The following TMPRSS15 variants were observed in gnomAD, a reference collection of about 807,000 sequenced individuals.
The protein encoded by TMPRSS15 is enteropeptidase.
In TMPRSS15, 128 loss-of-function variants were observed where a neutral mutation model predicts 125.3. The ratio of observed to expected loss-of-function variants is 1.02; its 90% confidence interval spans 0.89 to 1.18. The LOEUF is 1.18. Ranked by LOEUF, TMPRSS15 falls within the 50% of genes most tolerant of loss-of-function variation. The probability of loss-of-function intolerance (pLI) is 0.00; values close to 1 mark genes in which losing one functional copy is unlikely to be tolerated. For synonymous variants in TMPRSS15, 446 were observed against 423.2 expected (o/e 1.05, Z -0.66); for missense variants, 1,283 against 1,212.7 (o/e 1.06, Z -0.86).
At chr21:18,319,921 A>G (rs900651808) in intron 16 of TMPRSS15, among the ~76,000 whole-genome samples, 1 of 152,194 alleles carries the variant, frequency 6.6e-6, no homozygotes, top group African/African-American at 2.4e-5. Context: ...AATCTAAGTT[A>G]CCTTAACAAG....
intron 5 of TMPRSS15, among the ~76,000 whole-genome samples, chr21:18,374,024 C>T (rs1166238964): frequency 6.6e-6 from 1 of 152,088 alleles, no homozygotes; most frequent in Non-Finnish European, 1.5e-5. Flanking sequence ...TTAAAAAGTG[C>T]TATGGGGGCA....
At chr21:18,344,717 G>A (rs1297161368) in intron 10 of TMPRSS15, among the ~76,000 whole-genome samples, 1 of 152,208 alleles carries the variant, frequency 6.6e-6, no homozygotes, top group Non-Finnish European at 1.5e-5. Flanking sequence ...AATGATTTCA[G>A]TCATTTGAAG....
chr21:18,441,732 C>T (rs544445889), intron 1 of TMPRSS15, among the ~76,000 whole-genome samples: 1 of 148,684 alleles, frequency 6.7e-6, no homozygotes, highest in Non-Finnish European at 1.5e-5. Flanking sequence ...ACTCTGTTGC[C>T]CAGACTGGAG....
At chr21:18,408,009 G>C (rs532620394), upstream of TMPRSS15, among the ~76,000 whole-genome samples, 1 of 152,242 alleles carries the variant, frequency 6.6e-6, no homozygotes, top group East Asian at 1.9e-4. Context: ...AGGATAGTTG[G>C]GTATGGAGTG....
At chr21:18,292,721 C>T (rs2074853496) in intron 21 of TMPRSS15, among the ~76,000 whole-genome samples, 1 of 152,146 alleles carries the variant, frequency 6.6e-6, no homozygotes, top group South Asian at 2.1e-4. Flanking sequence ...GACTTTTTAG[C>T]TAAAACTAGC....
intron 18 of TMPRSS15, among the ~76,000 whole-genome samples, chr21:18,306,424 C>T (rs2075040149): frequency 6.6e-6 from 1 of 152,066 alleles, no homozygotes; most frequent in African/African-American, 2.4e-5. Context: ...ATCTCTTCCC[C>T]CAGTATTTTC....
intron 1 of TMPRSS15, among the ~76,000 whole-genome samples, chr21:18,443,451 G>A (rs1313127511): frequency 6.6e-6 from 1 of 152,206 alleles, no homozygotes; most frequent in African/African-American, 2.4e-5. Context: ...ACAGGGACCT[G>A]TGTAAAACTG....
intron 1 of TMPRSS15, chr21:18,460,699 G>A (rs2122951855): frequency 9.9e-5 from 15 of 152,142 alleles, no homozygotes; most frequent in African/African-American, 3.6e-4. Context: ...ACTCATGTGA[G>A]ATCTATCTAT....
chr21:18,381,587 G>A (rs2075893239), intron 4 of TMPRSS15, among the ~76,000 whole-genome samples: 1 of 152,056 alleles, frequency 6.6e-6, no homozygotes, highest in African/African-American at 2.4e-5. Flanking sequence ...TTGGGCTGAT[G>A]TTGTAAAACA....
intron 1 of TMPRSS15, among the ~76,000 whole-genome samples, chr21:18,410,793 A>G (rs1224203405): frequency 6.6e-6 from 1 of 152,154 alleles, no homozygotes; most frequent in Non-Finnish European, 1.5e-5. Context: ...CTCCACTCAA[A>G]TTTTATTCAA....
At chr21:18,413,309 T>TC (rs1569064037) in intron 1 of TMPRSS15, among the ~76,000 whole-genome samples, 86 of 102,798 alleles carry the variant, frequency 8.4e-4, no homozygotes, top group East Asian at 6.7e-3. Context: ...TTCTTTTCTT[T>TC]CTTTTCCTTC....
At chr21:18,299,222 C>T (rs2074938585) in intron 18 of TMPRSS15, among the ~76,000 whole-genome samples, 2 of 152,142 alleles carry the variant, frequency 1.3e-5, no homozygotes, top group African/African-American at 4.8e-5. Context: ...AATGTATTTG[C>T]TATGGCTTAG....
intron 21 of TMPRSS15, among the ~76,000 whole-genome samples, chr21:18,284,152 A>C (rs532977360): frequency 1.3e-5 from 2 of 152,310 alleles, no homozygotes; most frequent in African/African-American, 4.8e-5. Flanking sequence ...TTCCGCCGCC[A>C]TGTATCATTT....
At chr21:18,288,686 G>A (rs113655371) in intron 21 of TMPRSS15, among the ~76,000 whole-genome samples, 352 of 151,678 alleles carry the variant, frequency 2.3e-3, no homozygotes, top group African/African-American at 8.0e-3. Flanking sequence ...GACTACAGGC[G>A]CATGCTGCCA....
intron 1 of TMPRSS15, among the ~76,000 whole-genome samples, chr21:18,418,189 A>C (rs2076184483): frequency 2.0e-5 from 3 of 152,208 alleles, no homozygotes; most frequent in African/African-American, 7.2e-5. Flanking sequence ...CACCCATTAG[A>C]TACTTTAATG....
At chr21:18,305,917 T>C (rs2075034152) in intron 18 of TMPRSS15, among the ~76,000 whole-genome samples, 1 of 152,196 alleles carries the variant, frequency 6.6e-6, no homozygotes, top group Non-Finnish European at 1.5e-5. Context: ...ACTTTGTAGT[T>C]AAGTCAATTA....
At chr21:18,454,441 T>C (rs1392678332) in intron 1 of TMPRSS15, among the ~76,000 whole-genome samples, 4 of 152,044 alleles carry the variant, frequency 2.6e-5, no homozygotes, top group Admixed American at 2.0e-4. Flanking sequence ...AAAAGGAGAT[T>C]CATTATGAAA....
chr21:18,349,562 A>G (rs1257917933), intron 10 of TMPRSS15, among the ~76,000 whole-genome samples: 1 of 152,204 alleles, frequency 6.6e-6, no homozygotes, highest in Non-Finnish European at 1.5e-5. Flanking sequence ...GAAATATTTA[A>G]TTCTCTTTCA....
At chr21:18,458,985 C>T (rs1280289659) in intron 1 of TMPRSS15, among the ~76,000 whole-genome samples, 2 of 152,070 alleles carry the variant, frequency 1.3e-5, no homozygotes, top group Non-Finnish European at 2.9e-5. Flanking sequence ...TAAAGATACT[C>T]TCGTTAGCTT....
Sources: allele counts gnomAD v4.1 joint callset (sites outside exome capture counted in the v4.1 genomes callset), GRCh38; gene constraint gnomAD v4.1.1; transcripts MANE v1.5; gene names NCBI Gene and HGNC (gene_info 2026-07-23, HGNC 2026-07-21).